Variants in MCPH1 observed in about 807,000 individuals in gnomAD.
MCPH1 encodes the protein microcephalin 1, also known as microcephalin.
MCPH1 carries 104 observed loss-of-function variants against 84.5 expected under a neutral mutation model. That is an observed-to-expected ratio of 1.23 (90% CI 1.05 to 1.45). The LOEUF is 1.45. Ranked by LOEUF, MCPH1 falls within the 40% of genes most tolerant of loss-of-function variation. The pLI is 0.00. For missense variants in MCPH1, 1,498 were observed against 1,005.7 expected (o/e 1.49, Z -6.62); for synonymous variants, 514 against 366.8 (o/e 1.40, Z -4.58).
chr8:6,507,355 C>T (rs1813954527), intron 12 of MCPH1, among the ~76,000 whole-genome samples: 1 of 152,128 alleles, frequency 6.6e-6, no homozygotes, highest in Non-Finnish European at 1.5e-5. Context: ...TTTATGTTCT[C>T]TAGAAATTAA....
At chr8:6,465,087 C>G (rs900486497) in intron 9 of MCPH1, among the ~76,000 whole-genome samples, 4 of 152,150 alleles carry the variant, frequency 2.6e-5, no homozygotes, top group Non-Finnish European at 4.4e-5. Context: ...ATAGTTACAG[C>G]TGCTAGCTCC....
chr8:6,455,165 G>C lies in MCPH1; in HGVS notation c.1848G>C (p.Arg616Ser), dbSNP rs1805538952. 2 of 1,613,952 alleles carry C rather than the reference G, an allele frequency of 1.2e-6. No individual in the cohort carries two copies. Among genetic ancestry groups the C allele is most frequent in the African/African-American group, 1.3e-5 (1 of 75,048 alleles). Residue 616 changes from arginine to serine, a missense_variant, in exon 9 of 14, where the codon AGG becomes AGC. Transcript: ENST00000344683. Reference protein sequence around the residue: ...YSGSVKNRPTRHDVLDDSCDG... With the variant: ...YSGSVKNRPTSHDVLDDSCDG... Reference sequence around the variant, plus strand: ...TAGGTGTTAAAAATAGACCAACAAGGCATGATGTTTTAGATGACTCATGTG... The same window carrying C: ...TAGGTGTTAAAAATAGACCAACAAGCCATGATGTTTTAGATGACTCATGTG...
At chr8:6,510,481 A>G (rs529461267) in intron 12 of MCPH1, among the ~76,000 whole-genome samples, 1 of 152,348 alleles carries the variant, frequency 6.6e-6, no homozygotes, top group African/African-American at 2.4e-5. Flanking sequence ...AAGAATACAA[A>G]GAAGAGAGAA....
At chr8:6,466,421 C>T (rs561331634) in intron 9 of MCPH1, among the ~76,000 whole-genome samples, 1 of 152,074 alleles carries the variant, frequency 6.6e-6, no homozygotes, top group African/African-American at 2.4e-5. Context: ...GATTCTCCTG[C>T]CTCAACCTCC....
At chr8:6,585,446 C>T (rs554807317) in intron 12 of MCPH1, among the ~76,000 whole-genome samples, 8 of 152,356 alleles carry the variant, frequency 5.3e-5, no homozygotes, top group East Asian at 1.9e-4. Context: ...CCGGGAACGC[C>T]GGCTTTTCCC....
intron 12 of MCPH1, among the ~76,000 whole-genome samples, chr8:6,575,614 C>T (rs747456690): frequency 1.3e-5 from 2 of 152,160 alleles, no homozygotes; most frequent in East Asian, 1.9e-4. Context: ...ATTTTGTTCT[C>T]CGAAAATTCA....
chr8:6,627,263 T>C, intron 13 of MCPH1: 1 of 985,402 alleles, frequency 1.0e-6, no homozygotes, highest in Non-Finnish European at 1.2e-6. Flanking sequence ...ACATCTCCAT[T>C]GCCTCGATAA....
rs73196771 is a variant in MCPH1, at chr8:6,426,205, C to G, written c.234-5294C>G. Among the ~76,000 whole-genome samples the G allele has an allele frequency of 6.3e-3, 959 of 152,224 alleles. 2 individuals carry two copies. Among genetic ancestry groups the G allele is most frequent in the Non-Finnish European group, 0.011 (763 of 68,016 alleles). ...TTTTTTAAAATCAGCTTTATAAAAA[C>G]ATTTACATAAAATAAAATGGACCCA... On this transcript the variant is annotated intron_variant, in intron 3 of 13. Coordinates refer to ENST00000344683, the MANE Select transcript of MCPH1 (RefSeq NM_024596.5).
chr8:6,621,692 G>C lies in MCPH1; in HGVS notation c.2452+1G>C. 6.2e-7 allele frequency: 1 copy of C among 1,614,158 alleles called. No individual in the cohort carries two copies. The highest frequency in any genetic ancestry group is 8.5e-7 in the Non-Finnish European group (1 of 1,180,044). On this transcript the variant is annotated splice_donor_variant, in intron 13 of 13. Coordinates refer to ENST00000344683, the MANE Select transcript of MCPH1 (RefSeq NM_024596.5). LOFTEE classifies it high-confidence loss of function. ...TATCTGTCTGAGAAATGGGTCTTAGGTAAGAATCCAGGCACACAGACGCTG... is the reference window on the plus strand; with the variant it reads ...TATCTGTCTGAGAAATGGGTCTTAGCTAAGAATCCAGGCACACAGACGCTG...
intron 12 of MCPH1, among the ~76,000 whole-genome samples, chr8:6,505,201 TATATAGA>T (rs1383683123): frequency 8.6e-5 from 10 of 116,698 alleles, no homozygotes; most frequent in South Asian, 2.8e-4. Flanking sequence ...TTCTTATGTA[TATATAGA>T]ATATATATAT....
At position 6,538,063 on chromosome 8, in the gene MCPH1, A is replaced by G. The variant is rs114003695; in HGVS notation, c.2214+38134A>G. 3.8e-3 allele frequency among the ~76,000 whole-genome samples: 577 copies of G among 152,268 alleles called. 4 individuals carry two copies. The highest frequency in any genetic ancestry group is 0.013 in the African/African-American group (551 of 41,562). On this transcript the variant is annotated intron_variant, in intron 12 of 13. Transcript: ENST00000344683. ...AAACTTTTTACTGTTGCCCATTTCA[A>G]TTTCGAAATAGGATTTTGCAACCAT...
chr8:6,590,690 T>G (rs970865330), intron 12 of MCPH1, among the ~76,000 whole-genome samples: 4 of 152,244 alleles, frequency 2.6e-5, no homozygotes, highest in African/African-American at 9.6e-5. Context: ...GAAATAAGCC[T>G]GGAAAAGCAG....
chr8:6,514,397 C>A (rs1004216950), intron 12 of MCPH1, among the ~76,000 whole-genome samples: 1 of 152,126 alleles, frequency 6.6e-6, no homozygotes, highest in Admixed American at 6.5e-5. Flanking sequence ...GTTATGTTGG[C>A]CAACTGGTCT....
At chr8:6,612,114 G>T (rs1830335323) in intron 12 of MCPH1, among the ~76,000 whole-genome samples, 1 of 152,150 alleles carries the variant, frequency 6.6e-6, no homozygotes. Context: ...GTTGGAAAGG[G>T]CTTGTGATAA....
At chr8:6,476,109 G>T (rs986003676) in intron 9 of MCPH1, among the ~76,000 whole-genome samples, 1 of 152,102 alleles carries the variant, frequency 6.6e-6, no homozygotes, top group African/African-American at 2.4e-5. Flanking sequence ...CATACAAACA[G>T]ACATAGATAA....
At position 6,445,417 on chromosome 8, in the gene MCPH1, T is replaced by A. The variant is rs1407916276; in HGVS notation, c.1695T>A (p.Gly565=). The A allele has an allele frequency of 1.9e-6, 3 of 1,614,076 alleles. No individual in the cohort carries two copies. Among genetic ancestry groups the A allele is most frequent in the Non-Finnish European group, 2.5e-6 (3 of 1,180,046 alleles). ...AVGLKSTQNK[G]TTSKISNSSE... is the part of the protein sequence containing the mutation. ...GTCTGAAAAGCACACAGAACAAAGG[T>A]ACCACTTCCAAAATATCAAACTCCT... Residue 565 remains glycine, a synonymous_variant, in exon 8 of 14, where the codon GGT becomes GGA. Coordinates refer to ENST00000344683, the MANE Select transcript of MCPH1 (RefSeq NM_024596.5).
chr8:6,490,450 A>G (rs1035247118), intron 11 of MCPH1, among the ~76,000 whole-genome samples: 1 of 152,214 alleles, frequency 6.6e-6, no homozygotes, highest in African/African-American at 2.4e-5. Flanking sequence ...CCCCAAGTTA[A>G]AATGATTTCC....
At chr8:6,639,758 A>G (rs974842260) in intron 13 of MCPH1, among the ~76,000 whole-genome samples, 2 of 152,142 alleles carry the variant, frequency 1.3e-5, no homozygotes, top group Non-Finnish European at 2.9e-5. Context: ...GGAGAATGAC[A>G]TGCTTTTTCA....
At chr8:6,552,130 T>C (rs1313937524) in intron 12 of MCPH1, among the ~76,000 whole-genome samples, 2 of 152,194 alleles carry the variant, frequency 1.3e-5, no homozygotes, top group East Asian at 3.8e-4. Context: ...TACTAAGATA[T>C]GTGGCTTGAC....
Sources: gnomAD v4.1 joint callset for allele counts (sites outside exome capture counted in the v4.1 genomes callset) on GRCh38, gnomAD v4.1.1 for gene constraint, MANE v1.5 for transcripts, NCBI Gene and HGNC (gene_info 2026-07-23, HGNC 2026-07-21) for gene names.